The following GGA1 variants were observed in gnomAD, a reference collection of about 807,000 sequenced individuals.
GGA1 encodes the protein ADP-ribosylation factor-binding protein GGA1.
A neutral mutation model predicts 76.9 loss-of-function variants in GGA1; 18 were observed. The observed-to-expected ratio is 0.23, with a 90% CI of 0.16 to 0.35. The LOEUF is 0.35. Ranked by LOEUF, GGA1 falls within the 10% of genes least tolerant of loss-of-function variation. The probability of loss-of-function intolerance (pLI) is 1.00; values close to 1 mark genes in which losing one functional copy is unlikely to be tolerated. For synonymous variants in GGA1, 342 were observed against 354.7 expected, an observed-to-expected ratio of 0.96 and a Z score of 0.40; for missense variants, 755 against 859.0, an observed-to-expected ratio of 0.88 and a Z score of 1.51.
rs757697492 is a variant in GGA1 at position 37,630,969 on chromosome 22, C to T, written c.1398C>T (p.Ser466=). Residue 466 remains serine (S), a synonymous_variant, in exon 14 of 17, where the codon AGC becomes AGT. Transcript: ENST00000343632. Reference sequence around the variant, plus strand: ...TGCAGAATAAGAGCAGCAGCTGCAGCTCCCCCAGCTCCAGCGCCACCAGCC... The same window carrying T: ...TGCAGAATAAGAGCAGCAGCTGCAGTTCCCCCAGCTCCAGCGCCACCAGCC... ...RDLQNKSSSC[S]SPSSSATSLL... 1 of 1,613,234 alleles carries T rather than the reference C, an allele frequency of 6.2e-7. No homozygotes were observed. Among genetic ancestry groups the T allele is most frequent in the South Asian group, 1.1e-5 (1 of 91,054 alleles).
At chr22:37,615,872 G>A (rs893060670) in intron 2 of GGA1, among the ~76,000 whole-genome samples, 11 of 150,976 alleles carry the variant, frequency 7.3e-5, no homozygotes, top group Admixed American at 5.3e-4. Flanking sequence ...ATGGAGTCTC[G>A]CTCTGTCGCC....
chr22:37,619,707 A>G (rs941693693), intron 4 of GGA1: 3 of 701,918 alleles, frequency 4.3e-6, no homozygotes, highest in African/African-American at 1.8e-5. Context: ...TGTTTGAGTG[A>G]CAGCCCACCC....
At position 37,632,918 on chromosome 22, in the gene GGA1, T is replaced by C. The variant is rs1932072585; in HGVS notation, c.*207T>C. On this transcript the variant is annotated 3_prime_UTR_variant, in exon 17 of 17. Transcript: ENST00000343632. The surrounding 1 kb of genome is among the most constrained non-coding windows in gnomAD (Gnocchi z 5.1). ...TGCTGAGCCAAACCCAGTAGGAGGC[T>C]GGGCCTGGGTTTGTGCCGCTGGGGT... The C allele has an allele frequency of 1.7e-6, 1 of 576,128 alleles. No individual in the cohort carries two copies. The highest frequency in any genetic ancestry group is 1.9e-5 in the African/African-American group (1 of 53,628). 35.7% of individuals were successfully genotyped at this position (576,128 alleles called of 1,614,324 possible).
chr22:37,609,093 A>T (rs112398819), intron 1 of GGA1, 190 bp downstream of exon 1: 1 of 1,489,998 alleles, frequency 6.7e-7, no homozygotes, highest in South Asian at 1.2e-5. Context: ...GGCGCGGTCC[A>T]GCGGTGGGAG....
At chr22:37,613,656 C>G (rs1247883062) in intron 1 of GGA1, among the ~76,000 whole-genome samples, 1 of 152,082 alleles carries the variant, frequency 6.6e-6, no homozygotes, top group African/African-American at 2.4e-5. Context: ...ACCTCAGCCT[C>G]CCAAAGTGCT....
At chr22:37,617,518 G>A (rs536119324) in intron 3 of GGA1, 2 of 990,276 alleles carry the variant, frequency 2.0e-6, no homozygotes, top group African/African-American at 1.7e-5. Context: ...AGTGGTGGTA[G>A]AGATACAGTT....
chr22:37,614,185 TC>T lies in GGA1; in HGVS notation c.44-3del, dbSNP rs1569199176. On this transcript the variant is annotated splice_region_variant and splice_polypyrimidine_tract_variant and intron_variant, in intron 1 of 16. Coordinates refer to ENST00000343632, the MANE Select transcript of GGA1 (RefSeq NM_013365.5). Reference sequence around the variant, plus strand: ...GCCACAATGACCCCAGCTCTCCTCTTCCAGATAGAGCCACGAACCCCCTGAA... The same window carrying T: ...GCCACAATGACCCCAGCTCTCCTCTTCAGATAGAGCCACGAACCCCCTGAA... The T allele has an allele frequency of 6.2e-7, 1 of 1,606,286 alleles. No homozygotes were observed. The highest frequency in any genetic ancestry group is 8.5e-7 in the Non-Finnish European group (1 of 1,173,318).
intron 3 of GGA1, chr22:37,618,176 C>A: frequency 2.8e-6 from 1 of 360,346 alleles, no homozygotes; most frequent in Non-Finnish European, 5.0e-6. Context: ...AGTTGGTACT[C>A]AGATGTGGGG....
Position 37,608,878 on chromosome 22 carries a change from G to T in GGA1, c.18G>T (p.Glu6Asp). 7.6e-7 allele frequency: 1 copy of T among 1,311,618 alleles called. No individual in the cohort carries two copies. 81.2% of individuals were successfully genotyped at this position (1,311,618 alleles called of 1,614,324 possible). ...GGTGGCGGATGGAGCCCGCGATGGA[G>T]CCGGAGACTCTGGAGGCGCGAATCA... MEPAM[E>D]PETLEARINR... Residue 6 changes from glutamate (E) to aspartate (D), a missense_variant, in exon 1 of 17, where the codon GAG becomes GAT. Physicochemically the swap from Glu to Asp is conservative, Grantham distance 45. Transcript: ENST00000343632.
At chr22:37,629,627 T>A in intron 12 of GGA1, 101 bp downstream of exon 12, 11 of 671,552 alleles carry the variant, frequency 1.6e-5, no homozygotes, top group East Asian at 3.6e-5. Flanking sequence ...TGGGCTCTAC[T>A]CAAGAGCCCA....
intron 5 of GGA1, 54 bp from the exon 6 acceptor site, chr22:37,620,759 C>G (rs1370570090): frequency 1.0e-5 from 11 of 1,103,336 alleles, no homozygotes; most frequent in African/African-American, 6.1e-5. Context: ...CATGTCACCC[C>G]TACCCCTGGG....
At chr22:37,615,260 A>G (rs1928548409) in intron 2 of GGA1, among the ~76,000 whole-genome samples, 1 of 152,002 alleles carries the variant, frequency 6.6e-6, no homozygotes, top group Non-Finnish European at 1.5e-5. Flanking sequence ...AGCCTTACCA[A>G]CATAGAGAAA....
chr22:37,627,638 A>T (rs1019729750), intron 11 of GGA1, among the ~76,000 whole-genome samples: 9 of 152,252 alleles, frequency 5.9e-5, no homozygotes, highest in African/African-American at 2.2e-4. Context: ...CCCAGCCAGC[A>T]GCTGCAGCAC....
chr22:37,609,050 T>A, intron 1 of GGA1, 147 bp downstream of exon 1: 3 of 1,475,548 alleles, frequency 2.0e-6, no homozygotes, highest in Admixed American at 2.4e-5. Flanking sequence ...AGTCGGCCCC[T>A]CAGACCCTGG....
intron 13 of GGA1, 101 bp downstream of exon 13, chr22:37,630,271 G>A (rs1031028164): frequency 3.2e-5 from 27 of 845,380 alleles, no homozygotes; most frequent in South Asian, 5.2e-5. Context: ...GGAGAGGCTC[G>A]TTGCTGTCTT....
chr22:37,618,499 G>T lies in GGA1; in HGVS notation c.256G>T (p.Gly86Cys). 6.2e-7 allele frequency: 1 copy of T among 1,613,766 alleles called. No homozygotes were observed. The highest frequency in any genetic ancestry group is 8.5e-7 in the Non-Finnish European group (1 of 1,179,664). ...CGGCAAGCGGTTCCACGACGAAGTG[G>T]GCAAGTTCCGCTTTCTCAACGAGCT... The part of the protein sequence containing the change: ...SCGKRFHDEV[G>C]KFRFLNELIK... The change falls in exon 4 of 17, where the codon GGC becomes TGC. Residue 86 changes from glycine to cysteine, a missense_variant. Gly to Cys is a radical substitution (Grantham distance 159). Coordinates refer to ENST00000343632, the MANE Select transcript of GGA1 (RefSeq NM_013365.5).
intron 11 of GGA1, among the ~76,000 whole-genome samples, chr22:37,628,017 C>T (rs997805933): frequency 6.6e-6 from 1 of 152,202 alleles, no homozygotes; most frequent in Non-Finnish European, 1.5e-5. Context: ...AGTAGACACA[C>T]GGTTTCACCT....
chr22:37,624,858 C>G lies in GGA1; in HGVS notation c.833-111C>G. The G allele has an allele frequency of 1.4e-6, 2 of 1,446,324 alleles. No homozygotes were observed. Among genetic ancestry groups the G allele is most frequent in the Admixed American group, 2.2e-5 (1 of 46,172 alleles). The allele number at this position is 1,446,324 out of a possible 1,614,324, so 89.6% of individuals were successfully genotyped here. On this transcript the variant is annotated intron_variant, in intron 9 of 16. Coordinates refer to ENST00000343632, the MANE Select transcript of GGA1 (RefSeq NM_013365.5). The surrounding 1 kb of genome is among the most constrained non-coding windows in gnomAD (Gnocchi z 4.3). The stretch of plus-strand genomic sequence containing the variant: ...GACGAGATGGGCTGTTTCCCTGCCC[C>G]TTTCCCTTCCCCTCACACACAGGCT...
At chr22:37,627,890 G>A (rs1474651745) in intron 11 of GGA1, among the ~76,000 whole-genome samples, 1 of 152,216 alleles carries the variant, frequency 6.6e-6, no homozygotes, top group Non-Finnish European at 1.5e-5. Flanking sequence ...TGTCCCTCAA[G>A]GAGGGTGTTC....
Sources: allele counts gnomAD v4.1 joint callset (sites outside exome capture counted in the v4.1 genomes callset), GRCh38; gene constraint gnomAD v4.1.1; non-coding constraint Gnocchi (gnomAD v3.1); transcripts MANE v1.5; gene names NCBI Gene and HGNC (gene_info 2026-07-23, HGNC 2026-07-21).